The following LPAR3 variants were observed in gnomAD, a reference collection of about 807,000 sequenced individuals.
LPAR3 encodes the protein LPA receptor 3.
A neutral mutation model predicts 17.8 loss-of-function variants in LPAR3; 7 were observed. The observed-to-expected ratio is 0.39, with a 90% CI of 0.22 to 0.74. The LOEUF (loss-of-function observed/expected upper bound fraction) is 0.74. Among genes scored for constraint, LPAR3 ranks in the 30% least tolerant of loss-of-function variants. LPAR3 has a pLI of 0.40. For missense variants in LPAR3, 391 were observed against 453.4 expected (o/e 0.86, Z 1.25); for synonymous variants, 179 against 179.9 (o/e 0.99, Z 0.04).
intron 2 of LPAR3, among the ~76,000 whole-genome samples, chr1:84,839,778 G>A (rs1436784350): frequency 6.6e-6 from 1 of 152,132 alleles, no homozygotes; most frequent in Non-Finnish European, 1.5e-5. Flanking sequence ...TCAAATCTTA[G>A]CTCTTCCAAT....
At chr1:84,855,561 T>A (rs965192451) in intron 2 of LPAR3, among the ~76,000 whole-genome samples, 3 of 152,174 alleles carry the variant, frequency 2.0e-5, no homozygotes, top group African/African-American at 4.8e-5. Flanking sequence ...TGTTTCAGCT[T>A]AAGAGGAAGG....
intron 1 of LPAR3, among the ~76,000 whole-genome samples, chr1:84,884,154 A>G (rs940583508): frequency 2.6e-5 from 4 of 152,230 alleles, no homozygotes; most frequent in Non-Finnish European, 5.9e-5. Context: ...ACCTATCTAA[A>G]AAAGTTTTAG....
chr1:84,842,606 T>G (rs1659524244), intron 2 of LPAR3, among the ~76,000 whole-genome samples: 1 of 152,242 alleles, frequency 6.6e-6, no homozygotes, highest in Non-Finnish European at 1.5e-5. Context: ...TTCATCAGTC[T>G]GCTTATTCAT....
At chr1:84,871,811 T>G (rs1660162486) in intron 1 of LPAR3, among the ~76,000 whole-genome samples, 1 of 152,162 alleles carries the variant, frequency 6.6e-6, no homozygotes, top group Non-Finnish European at 1.5e-5. Flanking sequence ...CAGAAGACTT[T>G]TCCCCAAGAT....
At chr1:84,837,472 T>C (rs1308293504) in intron 2 of LPAR3, among the ~76,000 whole-genome samples, 1 of 152,146 alleles carries the variant, frequency 6.6e-6, no homozygotes, top group Non-Finnish European at 1.5e-5. Context: ...TTGGAGTCTT[T>C]TCCCACTATA....
chr1:84,836,678 C>T (rs1020880686), intron 2 of LPAR3, among the ~76,000 whole-genome samples: 1 of 152,110 alleles, frequency 6.6e-6, no homozygotes, highest in African/African-American at 2.4e-5. Context: ...GCTGAGATGG[C>T]CTTTCAGGAA....
At chr1:84,887,549 C>A (rs759376287) in intron 1 of LPAR3, among the ~76,000 whole-genome samples, 1 of 152,010 alleles carries the variant, frequency 6.6e-6, no homozygotes, top group South Asian at 2.1e-4. Flanking sequence ...TTTCAAACAC[C>A]TTTGGGGAAA....
intron 2 of LPAR3, among the ~76,000 whole-genome samples, chr1:84,860,689 T>C (rs898836332): frequency 6.6e-6 from 1 of 152,130 alleles, no homozygotes; most frequent in Non-Finnish European, 1.5e-5. Flanking sequence ...AGACTGACTT[T>C]CTAATATGTA....
intron 1 of LPAR3, among the ~76,000 whole-genome samples, chr1:84,886,596 T>C: frequency 6.6e-6 from 1 of 152,202 alleles, no homozygotes; most frequent in East Asian, 1.9e-4. Context: ...GGTACTCTTA[T>C]CACAAACACA....
intron 2 of LPAR3, among the ~76,000 whole-genome samples, chr1:84,863,658 C>A (rs1659983345): frequency 1.3e-5 from 2 of 152,166 alleles, no homozygotes; most frequent in South Asian, 4.1e-4. Context: ...CCAGTTTCCC[C>A]CCAGGACTCT....
At chr1:84,886,987 A>C (rs554752361) in intron 1 of LPAR3, among the ~76,000 whole-genome samples, 1 of 152,350 alleles carries the variant, frequency 6.6e-6, no homozygotes, top group African/African-American at 2.4e-5. Context: ...AACAGTTCTT[A>C]GTAAAAACAT....
chr1:84,868,763 A>G (rs1045929492), intron 1 of LPAR3, among the ~76,000 whole-genome samples: 1 of 152,172 alleles, frequency 6.6e-6, no homozygotes, highest in Non-Finnish European at 1.5e-5. Context: ...GGAAGCAGAG[A>G]CCAGGCCCTC....
chr1:84,841,412 C>A (rs1429982009), intron 2 of LPAR3, among the ~76,000 whole-genome samples: 3 of 152,076 alleles, frequency 2.0e-5, no homozygotes, highest in African/African-American at 7.2e-5. Context: ...TGGAGTTTGT[C>A]CTTTGGAGGA....
intron 1 of LPAR3, among the ~76,000 whole-genome samples, chr1:84,877,614 C>G (rs1660283076): frequency 6.6e-6 from 1 of 152,180 alleles, no homozygotes; most frequent in Non-Finnish European, 1.5e-5. Context: ...AGAGGCAATC[C>G]TCAACTTTTG....
chr1:84,878,549 G>A (rs1404719547), intron 1 of LPAR3, among the ~76,000 whole-genome samples: 1 of 152,166 alleles, frequency 6.6e-6, no homozygotes, highest in Admixed American at 6.5e-5. Context: ...CCACTTGCAT[G>A]TCAGGAACCC....
At chr1:84,828,269 C>T (rs1034227032) in intron 2 of LPAR3, among the ~76,000 whole-genome samples, 4 of 152,064 alleles carry the variant, frequency 2.6e-5, no homozygotes, top group Non-Finnish European at 4.4e-5. Context: ...CTTTTTTATG[C>T]TTTTTGCTGC....
At chr1:84,817,397 G>A (rs572821543) in intron 2 of LPAR3, among the ~76,000 whole-genome samples, 63 of 152,046 alleles carry the variant, frequency 4.1e-4, no homozygotes, top group Non-Finnish European at 7.8e-4. Flanking sequence ...GTGGAGGTGC[G>A]TGGGGAGGAC....
At chr1:84,884,204 C>T (rs557531799) in intron 1 of LPAR3, among the ~76,000 whole-genome samples, 24 of 152,320 alleles carry the variant, frequency 1.6e-4, no homozygotes, top group Non-Finnish European at 2.5e-4. Flanking sequence ...CTGTGAGGTT[C>T]GGCTCCAGCC....
chr1:84,815,668 A>C (rs548021048), intron 2 of LPAR3, among the ~76,000 whole-genome samples: 1 of 152,304 alleles, frequency 6.6e-6, no homozygotes, highest in Admixed American at 6.5e-5. Flanking sequence ...CACTTTTCTC[A>C]GCCTCCATTC....
Sources: gnomAD v4.1 joint callset for allele counts (sites outside exome capture counted in the v4.1 genomes callset) on GRCh38, gnomAD v4.1.1 for gene constraint, MANE v1.5 for transcripts, NCBI Gene and HGNC (gene_info 2026-07-23, HGNC 2026-07-21) for gene names.